MAP2K3: variants seen among roughly 807,000 people sequenced by gnomAD.
MAP2K3 encodes mitogen-activated protein kinase kinase 3.
Under a neutral mutation model 46.4 loss-of-function variants are expected in MAP2K3, and 30 were observed. The ratio of observed to expected loss-of-function variants is 0.65; its 90% CI spans 0.48 to 0.88. The LOEUF (loss-of-function observed/expected upper bound fraction) is 0.88, where lower values mean the gene tolerates loss of function less well. Ranked by LOEUF, MAP2K3 falls within the 40% of genes least tolerant of loss-of-function variation. The pLI is 0.00. For missense variants in MAP2K3, 380 were observed against 464.5 expected, an observed-to-expected ratio of 0.82 and a Z score of 1.67; for synonymous variants, 189 against 176.3, an observed-to-expected ratio of 1.07 and a Z score of -0.57.
Position 21,300,900 on chromosome 17 carries a change from G to A in MAP2K3, c.306G>A (p.Gln102=). The part of the protein sequence containing the change: ...VKRIRATVNS[Q]EQKRLLMDLD... ...GGATCCGGGCCACCGTGAACTCACA[G>A]GAGCAGAAGCGGCTGCTCATGGACC... The change falls in exon 5 of 12, where the codon CAG becomes CAA. Residue 102 remains glutamine (Q), a synonymous_variant. Coordinates refer to ENST00000342679, the MANE Select transcript of MAP2K3 (RefSeq NM_145109.3). 2 of 1,614,238 alleles carry A rather than the reference G, an allele frequency of 1.2e-6. No individual in the cohort carries two copies. Among genetic ancestry groups the A allele is most frequent in the Non-Finnish European group, 1.7e-6 (2 of 1,180,050 alleles).
chr17:21,295,317 A>G (rs1976177273), intron 1 of MAP2K3, among the ~76,000 whole-genome samples: 1 of 152,306 alleles, frequency 6.6e-6, no homozygotes, highest in Non-Finnish European at 1.5e-5. Context: ...GCCTCAGGTC[A>G]GTGGCTGAAT....
intron 1 of MAP2K3, among the ~76,000 whole-genome samples, chr17:21,293,186 C>T (rs1976039631): frequency 6.6e-6 from 1 of 152,254 alleles, no homozygotes; most frequent in African/African-American, 2.4e-5. Context: ...CATGGAGGAC[C>T]CAGACCGGTG....
chr17:21,289,596 G>A (rs993444147), intron 1 of MAP2K3, among the ~76,000 whole-genome samples: 8 of 152,202 alleles, frequency 5.3e-5, no homozygotes, highest in Non-Finnish European at 7.4e-5. Context: ...CCTTGTCCGC[G>A]CCTCCTGGCG....
At chr17:21,305,018 C>CGGGT (rs1976819312) in intron 8 of MAP2K3, 33 bp from the exon 9 acceptor site, 1 of 1,613,646 alleles carries the variant, frequency 6.2e-7, no homozygotes, top group African/African-American at 1.3e-5. Context: ...TTACCTGGGG[C>CGGGT]GGGTGTTCAC....
chr17:21,288,442 G>T (rs1238639782), intron 1 of MAP2K3, among the ~76,000 whole-genome samples: 1 of 152,264 alleles, frequency 6.6e-6, no homozygotes, highest in Non-Finnish European at 1.5e-5. Flanking sequence ...CAGGGAGGGT[G>T]AGGAGCAGAG....
At chr17:21,303,962 T>TTC (rs1976746630) in intron 7 of MAP2K3, among the ~76,000 whole-genome samples, 3 of 152,242 alleles carry the variant, frequency 2.0e-5, no homozygotes, top group Admixed American at 6.5e-5. Flanking sequence ...TATGCGCATT[T>TTC]GTATGGAGAA....
intron 1 of MAP2K3, among the ~76,000 whole-genome samples, chr17:21,293,620 G>A (rs1268351286): frequency 1.3e-5 from 2 of 152,310 alleles, no homozygotes; most frequent in Non-Finnish European, 2.9e-5. Context: ...AGGGTAGAGA[G>A]GTGGGGAGGG....
intron 2 of MAP2K3, among the ~76,000 whole-genome samples, 180 bp downstream of exon 2, chr17:21,298,659 T>C (rs1313401227): frequency 6.6e-6 from 1 of 152,312 alleles, no homozygotes; most frequent in Admixed American, 6.5e-5. Context: ...CCATTTGCTC[T>C]GCTCTGCTCA....
chr17:21,303,369 C>A, intron 7 of MAP2K3, 135 bp downstream of exon 7: 1 of 1,238,984 alleles, frequency 8.1e-7, no homozygotes, highest in Non-Finnish European at 1.1e-6. Context: ...GGGGTTCCAG[C>A]CGCTTTCCAC....
At chr17:21,310,614 C>T (rs1977117324) in intron 9 of MAP2K3, among the ~76,000 whole-genome samples, 1 of 152,270 alleles carries the variant, frequency 6.6e-6, no homozygotes, top group African/African-American at 2.4e-5. Flanking sequence ...TCACCCAGAA[C>T]AGACAGGGGT....
At chr17:21,312,740 C>G (rs1405902484) in intron 10 of MAP2K3, among the ~76,000 whole-genome samples, 2 of 152,018 alleles carry the variant, frequency 1.3e-5, no homozygotes, top group Admixed American at 6.5e-5. Context: ...CATGGTGAAA[C>G]CCCGACTCTA....
chr17:21,303,143 CAG>C, intron 6 of MAP2K3, 38 bp from the exon 7 acceptor site: 1 of 1,613,538 alleles, frequency 6.2e-7, no homozygotes, highest in South Asian at 1.1e-5. Context: ...CCAGGAATAA[CAG>C]AGTCCTGTCT....
Position 21,312,646 on chromosome 17 carries a change from G to A in MAP2K3, c.914+365G>A, listed in dbSNP as rs114622678. Among the ~76,000 whole-genome samples the A allele has an allele frequency of 8.2e-3, 1,256 of 152,292 alleles. 13 individuals are homozygous for A. Among genetic ancestry groups the A allele is most frequent in the African/African-American group, 0.028 (1,150 of 41,550 alleles). ...AATCATGTTTGAGAGGCTGGGCACG[G>A]TGGCTCACGCCTGTAATCCCAGCAC... On this transcript the variant is annotated intron_variant, in intron 10 of 11. Coordinates refer to ENST00000342679, the MANE Select transcript of MAP2K3 (RefSeq NM_145109.3).
intron 7 of MAP2K3, among the ~76,000 whole-genome samples, 192 bp downstream of exon 7, chr17:21,303,426 C>A (rs1426464003): frequency 6.6e-6 from 1 of 152,312 alleles, no homozygotes; most frequent in Admixed American, 6.5e-5. Flanking sequence ...GTGCTCGAAG[C>A]AAGGACTGGC....
intron 1 of MAP2K3, among the ~76,000 whole-genome samples, chr17:21,296,723 G>A (rs970856017): frequency 4.6e-5 from 7 of 152,310 alleles, no homozygotes; most frequent in African/African-American, 1.4e-4. Context: ...GAAGGGCCCT[G>A]CCTGTGGCCG....
At chr17:21,312,712 T>G (rs1977222448) in intron 10 of MAP2K3, among the ~76,000 whole-genome samples, 1 of 152,008 alleles carries the variant, frequency 6.6e-6, no homozygotes, top group African/African-American at 2.4e-5. Flanking sequence ...GTCAGGAGTT[T>G]GAGACCAGCC....
intron 8 of MAP2K3, among the ~76,000 whole-genome samples, chr17:21,304,832 T>C (rs1976804906): frequency 6.6e-6 from 1 of 152,308 alleles, no homozygotes; most frequent in Non-Finnish European, 1.5e-5. Context: ...CCGCCCTCAT[T>C]GTCAGGAGGG....
intron 1 of MAP2K3, among the ~76,000 whole-genome samples, chr17:21,297,334 G>A (rs1402879110): frequency 1.3e-5 from 2 of 152,312 alleles, no homozygotes; most frequent in African/African-American, 4.8e-5. Context: ...AGCAGCCAGG[G>A]TGAGCCAGCA....
At chr17:21,296,335 A>G in intron 1 of MAP2K3, 1 of 525,362 alleles carries the variant, frequency 1.9e-6, no homozygotes, top group Non-Finnish European at 3.1e-6. Flanking sequence ...CCAGAGCCTC[A>G]GAAGTTCAGA....
Sources: allele counts gnomAD v4.1 joint callset (sites outside exome capture counted in the v4.1 genomes callset), GRCh38; gene constraint gnomAD v4.1.1; transcripts MANE v1.5; gene names NCBI Gene and HGNC (gene_info 2026-07-23, HGNC 2026-07-21).